Variants in ADAMTS2 observed in about 807,000 individuals in gnomAD.
ADAMTS2 encodes the protein ADAM metallopeptidase with thrombospondin type 1 motif 2, also known as A disintegrin and metalloproteinase with thrombospondin motifs 2.
Under a neutral mutation model 123.0 loss-of-function variants are expected in ADAMTS2, and 50 were observed. The ratio of observed to expected loss-of-function variants is 0.41; its 90% confidence interval spans 0.32 to 0.51. The LOEUF is 0.51. Ranked by LOEUF, ADAMTS2 falls within the 20% of genes least tolerant of loss-of-function variation. The probability of loss-of-function intolerance (pLI) is 0.35; values close to 1 mark genes in which losing one functional copy is unlikely to be tolerated. For missense variants in ADAMTS2, 1,494 were observed against 1,705.2 expected (o/e 0.88, Z 2.18); for synonymous variants, 678 against 695.4 (o/e 0.98, Z 0.39).
intron 3 of ADAMTS2, among the ~76,000 whole-genome samples, chr5:179,261,817 C>G (rs1766231560): frequency 6.6e-6 from 1 of 152,212 alleles, no homozygotes; most frequent in Admixed American, 6.5e-5. Flanking sequence ...GGTCCCTCCC[C>G]ACAGTGGCAG....
rs966437723 is a variant in ADAMTS2 at position 179,122,644 on chromosome 5, G to C, written c.3088C>G (p.Arg1030Gly). Residue 1030 changes from arginine to glycine, a missense_variant and splice_region_variant, in exon 20 of 22, where the codon CGA (arginine) becomes GGA (glycine). Around this residue, in one of 6 missense-constraint regions of ADAMTS2, gnomAD observed 953 missense variants for 1,124.7 expected, o/e 0.85. Transcript: ENST00000251582. ...ARTCRLGPCP[R>G]NISDPSKKSY... is the part of the protein sequence containing the mutation. ...GGGGCAGGGGCTGCAGGTGGCTTAC[G>C]GGGACAGGGGCCAAGCCTGCAGGTC... 3.2e-6 allele frequency: 5 copies of C among 1,550,652 alleles called. No homozygotes were observed. The highest frequency in any genetic ancestry group is 2.4e-5 in the East Asian group (1 of 41,048).
At chr5:179,177,275 C>T (rs543954388) in intron 5 of ADAMTS2, among the ~76,000 whole-genome samples, 12 of 152,314 alleles carry the variant, frequency 7.9e-5, no homozygotes, top group African/African-American at 1.4e-4. Flanking sequence ...TAGATGATCA[C>T]GGTAGAAGTT....
chr5:179,295,642 AGCCAGT>A, intron 2 of ADAMTS2, among the ~76,000 whole-genome samples: 1 of 152,162 alleles, frequency 6.6e-6, no homozygotes. Flanking sequence ...CACACGGGTG[AGCCAGT>A]TCCCTGCAAC....
At chr5:179,259,265 C>A (rs1766150258) in intron 3 of ADAMTS2, among the ~76,000 whole-genome samples, 1 of 152,212 alleles carries the variant, frequency 6.6e-6, no homozygotes, top group African/African-American at 2.4e-5. Context: ...ACACTCCAGG[C>A]CTCAGCCCAA....
At position 179,343,997 on chromosome 5, in the gene ADAMTS2, C is replaced by G. The variant is rs139353236; in HGVS notation, c.304G>C (p.Glu102Gln). 1 of 1,612,708 alleles carries G rather than the reference C, an allele frequency of 6.2e-7. No individual in the cohort carries two copies. Among genetic ancestry groups the G allele is most frequent in the Middle Eastern group, 1.6e-4 (1 of 6,062 alleles). ...AAGAGGTGACTGCCAGGCTCCTCCT[C>G]GTTGCCTCCGGGGAAGCTCGGGGTC... Reference protein sequence around the residue: ...VRTPSFPGGNEEEPGSHLFYN... With the variant: ...VRTPSFPGGNQEEPGSHLFYN... The change falls in exon 2 of 22, where the codon GAG becomes CAG. Residue 102 changes from glutamate (E) to glutamine (Q), a missense_variant. Around this residue, in one of 6 missense-constraint regions of ADAMTS2, gnomAD observed 237 missense variants for 233.7 expected, o/e 1.01. Transcript: ENST00000251582.
intron 2 of ADAMTS2, among the ~76,000 whole-genome samples, chr5:179,300,307 CA>C (rs1260310357): frequency 6.6e-6 from 1 of 152,150 alleles, no homozygotes; most frequent in Non-Finnish European, 1.5e-5. Flanking sequence ...GAGACTATCT[CA>C]AAAGGGTAGG....
At chr5:179,239,140 T>A (rs1765600995) in intron 3 of ADAMTS2, among the ~76,000 whole-genome samples, 1 of 152,164 alleles carries the variant, frequency 6.6e-6, no homozygotes, top group Admixed American at 6.5e-5. Flanking sequence ...TCCCTGCTGC[T>A]GTGTTGAGGA....
At chr5:179,203,829 T>A (rs557901692) in intron 4 of ADAMTS2, among the ~76,000 whole-genome samples, 2 of 152,234 alleles carry the variant, frequency 1.3e-5, no homozygotes, top group East Asian at 3.9e-4. Context: ...AAGAAAGAAT[T>A]ACCCTGTGTC....
Position 179,225,923 on chromosome 5 carries a change from C to T in ADAMTS2, c.689-18208G>A, listed in dbSNP as rs761907539. On this transcript the variant is annotated intron_variant, in intron 3 of 21. Transcript: ENST00000251582. This position sits in a 1 kb window ranked among gnomAD's most constrained non-coding sequence, Gnocchi z 4.5. Reference sequence around the variant, plus strand: ...TCTAACTGAGCTGGTTAACACAAGCCGCCTACAGACAGCTAAAGTAAAAGA... The same window carrying T: ...TCTAACTGAGCTGGTTAACACAAGCTGCCTACAGACAGCTAAAGTAAAAGA... Among the ~76,000 whole-genome samples, 11 of 152,292 alleles carry T rather than the reference C, an allele frequency of 7.2e-5. No homozygotes were observed. The highest frequency in any genetic ancestry group is 2.4e-4 in the African/African-American group (10 of 41,552).
At chr5:179,309,916 ACCCAGCAGGC>A (rs1197064537) in intron 2 of ADAMTS2, among the ~76,000 whole-genome samples, 2 of 152,104 alleles carry the variant, frequency 1.3e-5, no homozygotes, top group Admixed American at 6.5e-5. Flanking sequence ...AGGACCCTGG[ACCCAGCAGGC>A]CCCCACTGCA....
At chr5:179,273,987 T>A (rs1251290650) in intron 2 of ADAMTS2, among the ~76,000 whole-genome samples, 3 of 151,190 alleles carry the variant, frequency 2.0e-5, no homozygotes, top group Non-Finnish European at 4.4e-5. Flanking sequence ...AACTCAGGAA[T>A]CCCCATTCTC....
At chr5:179,310,402 C>T (rs1053404120) in intron 2 of ADAMTS2, among the ~76,000 whole-genome samples, 5 of 152,230 alleles carry the variant, frequency 3.3e-5, no homozygotes, top group African/African-American at 1.2e-4. Flanking sequence ...CCGAAGCCCC[C>T]CCATAGGCTG....
chr5:179,306,623 C>CA (rs1229900402), intron 2 of ADAMTS2, among the ~76,000 whole-genome samples: 1 of 152,156 alleles, frequency 6.6e-6, no homozygotes, highest in African/African-American at 2.4e-5. Context: ...CACAGACCCT[C>CA]AGGCCAGGGC....
At chr5:179,299,336 T>C (rs191908734) in intron 2 of ADAMTS2, among the ~76,000 whole-genome samples, 1,635 of 47,852 alleles carry the variant, frequency 0.034, 141 homozygotes, top group South Asian at 0.06. Context: ...GAGACCATCC[T>C]GGCTAACACG....
chr5:179,173,146 A>C (rs1476772371), intron 5 of ADAMTS2, among the ~76,000 whole-genome samples: 4 of 151,612 alleles, frequency 2.6e-5, no homozygotes, highest in Non-Finnish European at 5.9e-5. Flanking sequence ...CAAGAGATGG[A>C]GGCTGCAGTG....
In ADAMTS2 at chr5:179,181,527, C is replaced by T. The variant is rs1458253070; in HGVS notation, c.892-372G>A. 6.6e-6 allele frequency among the ~76,000 whole-genome samples: 1 copy of T among 152,170 alleles called. No individual in the cohort carries two copies. The highest frequency in any genetic ancestry group is 1.9e-4 in the East Asian group (1 of 5,182). On this transcript the variant is annotated intron_variant, in intron 4 of 21. Transcript: ENST00000251582. The surrounding 1 kb of genome is among the most constrained non-coding windows in gnomAD (Gnocchi z 4.1). ...ACGTGGGTGATGGACCCCCGCGGCACAGGCAGGGCTGGGACCGGCCCTGGC... is the reference window on the plus strand; with the variant it reads ...ACGTGGGTGATGGACCCCCGCGGCATAGGCAGGGCTGGGACCGGCCCTGGC...
At chr5:179,239,036 G>A (rs550918454) in intron 3 of ADAMTS2, among the ~76,000 whole-genome samples, 3 of 152,292 alleles carry the variant, frequency 2.0e-5, no homozygotes, top group Admixed American at 2.0e-4. Flanking sequence ...AGAAGATGTT[G>A]TGAATATAAT....
At chr5:179,213,745 G>A (rs1764913084) in intron 3 of ADAMTS2, among the ~76,000 whole-genome samples, 1 of 152,230 alleles carries the variant, frequency 6.6e-6, no homozygotes, top group Non-Finnish European at 1.5e-5. Flanking sequence ...GTGGGGCAAA[G>A]AAACGTACCA....
At chr5:179,219,570 AG>A (rs1460981392) in intron 3 of ADAMTS2, among the ~76,000 whole-genome samples, 2 of 152,194 alleles carry the variant, frequency 1.3e-5, no homozygotes, top group African/African-American at 4.8e-5. Flanking sequence ...AAAAGGGGCC[AG>A]GCTCTGGTCC....
Sources: gnomAD v4.1 joint callset for allele counts (sites outside exome capture counted in the v4.1 genomes callset) on GRCh38, gnomAD v4.1.1 for gene constraint, gnomAD v4.1.1 regional missense constraint, Gnocchi (gnomAD v3.1) non-coding constraint, MANE v1.5 for transcripts, NCBI Gene and HGNC (gene_info 2026-07-23, HGNC 2026-07-21) for gene names.